Variants in SLC12A6 observed in about 807,000 individuals in gnomAD.
SLC12A6 encodes solute carrier family 12 member 6.
A neutral mutation model predicts 135.3 loss-of-function variants in SLC12A6; 66 were observed. That is an observed-to-expected ratio of 0.49 (90% CI 0.40 to 0.60). The LOEUF (loss-of-function observed/expected upper bound fraction) is 0.60, where lower values mean the gene tolerates loss of function less well. SLC12A6 is among the 20% of genes least tolerant of loss of function. The pLI, the probability that SLC12A6 is intolerant of heterozygous loss-of-function variation, is 0.00. For missense variants in SLC12A6, 1,058 were observed against 1,452.3 expected (o/e 0.73, Z 4.41); for synonymous variants, 513 against 508.8 (o/e 1.01, Z -0.11).
intron 3 of SLC12A6, among the ~76,000 whole-genome samples, chr15:34,271,392 C>A (rs1315416101): frequency 6.9e-6 from 1 of 143,984 alleles, no homozygotes; most frequent in Non-Finnish European, 1.5e-5. Flanking sequence ...TTTTTTTAAT[C>A]TCATGTTGCC....
chr15:34,235,382 C>A, intron 24 of SLC12A6, 68 bp from the exon 25 acceptor site: 3 of 1,286,698 alleles, frequency 2.3e-6, no homozygotes, highest in Non-Finnish European at 3.4e-6. Flanking sequence ...ACGTTAAAAA[C>A]TTGAGATCCT....
intron 2 of SLC12A6, among the ~76,000 whole-genome samples, chr15:34,287,302 G>A (rs1479272060): frequency 6.6e-6 from 1 of 152,178 alleles, no homozygotes; most frequent in African/African-American, 2.4e-5. Flanking sequence ...CCCTGCAAAG[G>A]ACAGGAACTC....
chr15:34,243,792 T>A (rs1178928094), intron 16 of SLC12A6, among the ~76,000 whole-genome samples, 182 bp downstream of exon 16: 2 of 152,190 alleles, frequency 1.3e-5, no homozygotes, highest in African/African-American at 2.4e-5. Context: ...TAAGTTATTA[T>A]AAAGTGATAT....
chr15:34,244,191 T>C, intron 15 of SLC12A6, 119 bp from the exon 16 acceptor site: 2 of 720,172 alleles, frequency 2.8e-6, no homozygotes, highest in Non-Finnish European at 5.1e-6. Flanking sequence ...CTTGATTAAG[T>C]AGGAAGTAGG....
At chr15:34,244,143 C>T in intron 15 of SLC12A6, 71 bp from the exon 16 acceptor site, 1 of 910,128 alleles carries the variant, frequency 1.1e-6, no homozygotes, top group Non-Finnish European at 1.9e-6. Context: ...TAACTGAATA[C>T]CTTTGCTGTA....
Position 34,257,806 on chromosome 15 carries a change from G to A in SLC12A6, c.544-18C>T. 1 of 1,571,112 alleles carries A rather than the reference G, an allele frequency of 6.4e-7. No individual in the cohort carries two copies. On this transcript the variant is annotated intron_variant, in intron 5 of 25. Coordinates refer to ENST00000354181, the MANE Select transcript of SLC12A6 (RefSeq NM_001365088.1). Reference sequence around the variant, plus strand: ...TGGGGGGTCTAGAAAGAAAGACATTGATAAAAAATCACACAGTTATCCTAA... The same window carrying A: ...TGGGGGGTCTAGAAAGAAAGACATTAATAAAAAATCACACAGTTATCCTAA...
At position 34,315,716 on chromosome 15, in the gene SLC12A6, T is replaced by C. The variant is rs780452875; in HGVS notation, c.271+20694A>G. On this transcript the variant is annotated intron_variant, in intron 2 of 25. Transcript: ENST00000354181. ...AAATTCATGTGACGGCCAGGCGCAG[T>C]GGCTTACGCCTGTAATCCCAGCACT... Among the ~76,000 whole-genome samples, 7 of 152,204 alleles carry C rather than the reference T, an allele frequency of 4.6e-5. 1 individual carries two copies. Among genetic ancestry groups the C allele is most frequent in the Non-Finnish European group, 4.4e-5 (3 of 68,028 alleles).
At chr15:34,257,556 T>C in intron 6 of SLC12A6, 86 bp downstream of exon 6, 1 of 992,692 alleles carries the variant, frequency 1.0e-6, no homozygotes, top group Non-Finnish European at 1.6e-6. Flanking sequence ...AAGTATTCTT[T>C]GTTTTATTCC....
intron 2 of SLC12A6, among the ~76,000 whole-genome samples, chr15:34,315,837 G>A (rs779142159): frequency 6.6e-6 from 1 of 151,946 alleles, no homozygotes; most frequent in Non-Finnish European, 1.5e-5. Context: ...AAATTAGCCA[G>A]GTGTGGTGGC....
At chr15:34,322,652 TGAAA>T (rs760575573) in intron 2 of SLC12A6, among the ~76,000 whole-genome samples, 5 of 151,982 alleles carry the variant, frequency 3.3e-5, no homozygotes, top group Non-Finnish European at 5.9e-5. Context: ...GTGTTCACGA[TGAAA>T]GTTTTTCAAG....
intron 2 of SLC12A6, among the ~76,000 whole-genome samples, chr15:34,330,892 A>T (rs1889793613): frequency 1.3e-5 from 2 of 151,980 alleles, no homozygotes; most frequent in Admixed American, 1.3e-4. Context: ...AAATACAAAA[A>T]TTAGCTGGGT....
chr15:34,312,886 G>A (rs545619120), intron 2 of SLC12A6, among the ~76,000 whole-genome samples: 1 of 152,204 alleles, frequency 6.6e-6, no homozygotes, highest in East Asian at 1.9e-4. Flanking sequence ...ATGATGATCT[G>A]TGCTATTGAA....
chr15:34,275,495 T>C (rs182425792), intron 2 of SLC12A6, 106 bp from the exon 3 acceptor site: 1 of 690,424 alleles, frequency 1.4e-6, no homozygotes, highest in African/African-American at 1.8e-5. Flanking sequence ...GCAAAAAAAT[T>C]TAAAAACTTA....
At chr15:34,271,012 A>G (rs2140863009) in intron 3 of SLC12A6, among the ~76,000 whole-genome samples, 1 of 151,856 alleles carries the variant, frequency 6.6e-6, no homozygotes, top group Non-Finnish European at 1.5e-5. Flanking sequence ...ATCTCATGAG[A>G]CTCACTCACA....
chr15:34,243,190 C>G (rs1200354653), intron 16 of SLC12A6, among the ~76,000 whole-genome samples: 1 of 152,152 alleles, frequency 6.6e-6, no homozygotes, highest in African/African-American at 2.4e-5. Flanking sequence ...CCACGCCCGG[C>G]CTCATAAAGA....
At chr15:34,336,372 A>C in intron 2 of SLC12A6, 38 bp downstream of exon 2, 1 of 1,539,706 alleles carries the variant, frequency 6.5e-7, no homozygotes, top group African/African-American at 1.4e-5. Context: ...TAAAGAACCC[A>C]GTAATGAAAG....
chr15:34,337,217 C>A (rs1349065935), intron 1 of SLC12A6, 115 bp downstream of exon 1: 3 of 185,312 alleles, frequency 1.6e-5, no homozygotes, highest in Non-Finnish European at 3.5e-5. Context: ...AGGTGAATAC[C>A]CCACAGGTCT....
intron 6 of SLC12A6, among the ~76,000 whole-genome samples, chr15:34,257,406 CAGTTGA>C (rs1892826974): frequency 1.3e-5 from 2 of 152,194 alleles, no homozygotes; most frequent in African/African-American, 4.8e-5. Flanking sequence ...CTTCCATTTT[CAGTTGA>C]AGTCTTGCTT....
intron 2 of SLC12A6, among the ~76,000 whole-genome samples, chr15:34,310,769 AGTGTGTGTGTGTGTGTGT>A (rs570488711): frequency 0.062 from 1,578 of 25,338 alleles, 119 homozygotes; most frequent in Middle Eastern, 0.11. Flanking sequence ...CCTGGGCTCA[AGTGTGTGTGTGTGTGTGT>A]GTGTGTGTGT....
Sources: gnomAD v4.1 joint callset for allele counts (sites outside exome capture counted in the v4.1 genomes callset) on GRCh38, gnomAD v4.1.1 for gene constraint, MANE v1.5 for transcripts, NCBI Gene and HGNC (gene_info 2026-07-23, HGNC 2026-07-21) for gene names.